Variants in NUSAP1 observed in about 807,000 individuals in gnomAD.
The protein encoded by NUSAP1 is nucleolar and spindle-associated protein 1.
A neutral mutation model predicts 52.8 loss-of-function variants in NUSAP1; 32 were observed. The ratio of observed to expected loss-of-function variants is 0.61; its 90% CI spans 0.46 to 0.81. The LOEUF is 0.81. Ranked by LOEUF, NUSAP1 falls within the 40% of genes least tolerant of loss-of-function variation. The pLI is 0.00. For synonymous variants in NUSAP1, 195 were observed against 183.1 expected (o/e 1.06, Z -0.52); for missense variants, 499 against 522.3 (o/e 0.96, Z 0.43).
At chr15:41,345,985 T>A (rs913150743) in intron 2 of NUSAP1, among the ~76,000 whole-genome samples, 1 of 152,174 alleles carries the variant, frequency 6.6e-6, no homozygotes, top group Non-Finnish European at 1.5e-5. Flanking sequence ...TTACAACACT[T>A]GGAACTATTC....
rs1258582309 is a variant in NUSAP1, at chr15:41,363,443, T to C, written c.661-1959T>C. Among the ~76,000 whole-genome samples the C allele has an allele frequency of 4.6e-5, 7 of 151,990 alleles. No individual in the cohort carries two copies. The East Asian group carries it at 1.3e-3, about 29-fold the overall frequency. On this transcript the variant is annotated intron_variant, in intron 6 of 10. Coordinates refer to ENST00000559596, the MANE Select transcript of NUSAP1 (RefSeq NM_016359.5). ...AGGTGGTAATTCAATGGTGCAGTGA[T>C]GGTTCACTGTAGCCTCAACCTCCTG... is the stretch of plus-strand genomic sequence containing the variant.
intron 4 of NUSAP1, 104 bp from the exon 5 acceptor site, chr15:41,355,935 C>T (rs2048953235): frequency 1.5e-6 from 1 of 663,308 alleles, no homozygotes; most frequent in Non-Finnish European, 2.6e-6. Context: ...GCCTCGGCCT[C>T]CCAAAGTGCT....
Position 41,365,434 on chromosome 15 carries a change from T to C in NUSAP1, c.693T>C (p.Thr231=). Residue 231 remains threonine, a synonymous_variant, in exon 7 of 11, where the codon ACT becomes ACC. Coordinates refer to ENST00000559596, the MANE Select transcript of NUSAP1 (RefSeq NM_016359.5). ...QQPINKGGVR[T]PVPPRGRLSV... is the part of the protein sequence containing the mutation. ...CCATCAATAAGGGAGGGGTCAGGAC[T>C]CCAGTACCTCCAAGAGGAAGACTCT... 6.2e-7 allele frequency: 1 copy of C among 1,612,840 alleles called. No individual in the cohort carries two copies. Among genetic ancestry groups the C allele is most frequent in the Non-Finnish European group, 8.5e-7 (1 of 1,179,370 alleles).
At chr15:41,352,918 T>C (rs972381970) in intron 4 of NUSAP1, among the ~76,000 whole-genome samples, 1 of 152,124 alleles carries the variant, frequency 6.6e-6, no homozygotes, top group Non-Finnish European at 1.5e-5. Flanking sequence ...TATGTCCTCA[T>C]GCTTAGAATC....
At chr15:41,378,954 T>TG (rs2050099343) in intron 10 of NUSAP1, among the ~76,000 whole-genome samples, 1 of 107,448 alleles carries the variant, frequency 9.3e-6, no homozygotes, top group Non-Finnish European at 1.9e-5. Flanking sequence ...GTTTTTTTTT[T>TG]TTTTTTTTTT....
intron 7 of NUSAP1, among the ~76,000 whole-genome samples, chr15:41,368,772 A>G: frequency 8.8e-6 from 1 of 114,244 alleles, no homozygotes; most frequent in Non-Finnish European, 1.6e-5. Context: ...TTGCTCTGTC[A>G]CCCAGGCTGG....
rs2049907865 is a variant in NUSAP1 at position 41,375,790 on chromosome 15, C to G, written c.1085C>G (p.Ala362Gly). ...AAGAAACCAGTGTTTGATCTTAAAG[C>G]AAGTTTGTCTCGTCCCCTCAACTAT... is the stretch of plus-strand genomic sequence containing the variant. ...SNKKPVFDLK[A>G]SLSRPLNYEP... The change falls in exon 9 of 11, where the codon GCA becomes GGA. Residue 362 changes from alanine to glycine, a missense_variant. By Grantham distance (60) the Ala-to-Gly change is moderately conservative. Transcript: ENST00000559596. 1 of 1,613,512 alleles carries G rather than the reference C, an allele frequency of 6.2e-7. No individual in the cohort carries two copies. The highest frequency in any genetic ancestry group is 1.3e-5 in the African/African-American group (1 of 74,900).
chr15:41,366,602 C>A (rs982161189), intron 7 of NUSAP1, among the ~76,000 whole-genome samples: 1 of 152,174 alleles, frequency 6.6e-6, no homozygotes. Context: ...ATATGTACCT[C>A]TTAAATTTCT....
At chr15:41,356,490 G>A (rs2048977603) in intron 5 of NUSAP1, among the ~76,000 whole-genome samples, 1 of 151,828 alleles carries the variant, frequency 6.6e-6, no homozygotes, top group Non-Finnish European at 1.5e-5. Flanking sequence ...TAGTAGCTGG[G>A]ACTACAGGTG....
Position 41,380,243 on chromosome 15 carries a change from A to ATGT in NUSAP1, c.*58_*59insGTT. 9.5e-7 allele frequency: 1 copy of ATGT among 1,056,412 alleles called. No homozygotes were observed. The highest frequency in any genetic ancestry group is 1.3e-6 in the Non-Finnish European group (1 of 743,232). The allele number at this position is 1,056,412 out of a possible 1,614,324, so 65.4% of individuals were successfully genotyped here. A position where few individuals can be genotyped will look rare whatever the true frequency, so the allele number is the denominator to read the frequency against. ...ATTCTCAACTTTTTTCCTTTTGTAA[A>ATGT]TTTTTTTTTTTTGCTGTCATCCCCA... is the stretch of plus-strand genomic sequence containing the variant. On this transcript the variant is annotated 3_prime_UTR_variant, in exon 11 of 11. Transcript: ENST00000559596.
At chr15:41,346,266 T>C (rs2048563601) in intron 2 of NUSAP1, among the ~76,000 whole-genome samples, 1 of 151,924 alleles carries the variant, frequency 6.6e-6, no homozygotes, top group Non-Finnish European at 1.5e-5. Flanking sequence ...TAAGCTTTAT[T>C]CTTTCATTCC....
chr15:41,376,808 C>T (rs2049957429), intron 9 of NUSAP1, among the ~76,000 whole-genome samples: 1 of 151,902 alleles, frequency 6.6e-6, no homozygotes, highest in Non-Finnish European at 1.5e-5. Context: ...GACACAGTGG[C>T]TCATGCCTGT....
intron 8 of NUSAP1, among the ~76,000 whole-genome samples, chr15:41,374,384 A>C (rs1026934528): frequency 3.2e-4 from 48 of 152,222 alleles, no homozygotes; most frequent in African/African-American, 1.2e-3. Flanking sequence ...GAGCTAGAGA[A>C]AATTCTATGG....
chr15:41,377,310 T>C lies in NUSAP1; in HGVS notation c.1232+6T>C, dbSNP rs746943037. 6.7e-6 allele frequency: 9 copies of C among 1,339,848 alleles called. No homozygotes were observed. Among genetic ancestry groups the C allele is most frequent in the Non-Finnish European group, 9.3e-6 (9 of 968,808 alleles). The allele number at this position is 1,339,848 out of a possible 1,614,324, so 83.0% of individuals were successfully genotyped here. ...CAACCCCATCTCCAGACAAAGTAAG[T>C]ACATAATTATCCAGCTTTATAATTA... On this transcript the variant is annotated splice_donor_region_variant and intron_variant, in intron 10 of 10. Coordinates refer to ENST00000559596, the MANE Select transcript of NUSAP1 (RefSeq NM_016359.5).
At chr15:41,356,936 C>T (rs955028918) in intron 5 of NUSAP1, among the ~76,000 whole-genome samples, 8 of 152,032 alleles carry the variant, frequency 5.3e-5, no homozygotes, top group East Asian at 1.9e-4. Context: ...TGCTGCTTAT[C>T]GTATATTCAA....
intron 1 of NUSAP1, among the ~76,000 whole-genome samples, chr15:41,336,244 C>T (rs1010289620): frequency 6.0e-5 from 9 of 150,932 alleles, no homozygotes; most frequent in African/African-American, 2.0e-4. Context: ...CCAGCCTGGG[C>T]AACAAGAGCG....
In NUSAP1 at chr15:41,371,704, A is replaced by G; in HGVS notation, c.1006+20A>G. ...CTGCTGGTAAAAAAAAAAAAAAACA[A>G]AAGAAATCTGTTTCATTTTTAAGCC... On this transcript the variant is annotated intron_variant, in intron 8 of 10. Transcript: ENST00000559596. 1.3e-6 allele frequency: 2 copies of G among 1,572,410 alleles called. No homozygotes were observed. The highest frequency in any genetic ancestry group is 1.7e-6 in the Non-Finnish European group (2 of 1,167,220).
chr15:41,356,917 T>A (rs2048995166), intron 5 of NUSAP1, among the ~76,000 whole-genome samples: 1 of 152,158 alleles, frequency 6.6e-6, no homozygotes, highest in Non-Finnish European at 1.5e-5. Context: ...ATATTTATAG[T>A]AGTTGCAATG....
At chr15:41,336,648 G>GTTTTTTTTTTTTTTTTTTTT (rs75426159) in intron 1 of NUSAP1, among the ~76,000 whole-genome samples, 10 of 91,352 alleles carry the variant, frequency 1.1e-4, no homozygotes, top group African/African-American at 4.0e-4. Context: ...CCTCCTTTTG[G>GTTTTTTTTTTTTTTTTTTTT]TTTTTTTTTT....
Sources: allele counts gnomAD v4.1 joint callset (sites outside exome capture counted in the v4.1 genomes callset), GRCh38; gene constraint gnomAD v4.1.1; transcripts MANE v1.5; gene names NCBI Gene and HGNC (gene_info 2026-07-23, HGNC 2026-07-21).